The following UIMC1 variants were observed in gnomAD, a reference collection of about 807,000 sequenced individuals.
UIMC1 encodes the protein ubiquitin interaction motif containing 1, also known as BRCA1-A complex subunit RAP80.
In UIMC1, 42 loss-of-function variants were observed where a neutral mutation model predicts 84.9. The observed-to-expected ratio is 0.49, with a 90% CI of 0.39 to 0.64. The LOEUF is 0.64. UIMC1 is among the 30% of genes least tolerant of loss of function. The pLI is 0.00. For synonymous variants in UIMC1, 281 were observed against 293.0 expected, an observed-to-expected ratio of 0.96 and a Z score of 0.42; for missense variants, 825 against 847.6, an observed-to-expected ratio of 0.97 and a Z score of 0.33.
At chr5:176,910,867 A>G (rs540486545) in intron 11 of UIMC1, among the ~76,000 whole-genome samples, 106 of 152,226 alleles carry the variant, frequency 7.0e-4, no homozygotes, top group Admixed American at 2.4e-3. Flanking sequence ...GAGGCAGGCC[A>G]ATCACCTGAG....
upstream of UIMC1, among the ~76,000 whole-genome samples, chr5:177,007,813 A>T (rs1775427695): frequency 6.6e-6 from 1 of 152,078 alleles, no homozygotes; most frequent in Non-Finnish European, 1.5e-5. Flanking sequence ...TCTATTAAAA[A>T]GAAAGACCTG....
intron 2 of UIMC1, among the ~76,000 whole-genome samples, chr5:176,981,191 C>G (rs1770993820): frequency 6.9e-6 from 1 of 144,012 alleles, no homozygotes; most frequent in South Asian, 2.2e-4. Context: ...GTCACCCAGG[C>G]TAGACTGCAG....
chr5:176,919,513 G>A (rs1233873980), intron 10 of UIMC1, among the ~76,000 whole-genome samples: 1 of 152,006 alleles, frequency 6.6e-6, no homozygotes, highest in Non-Finnish European at 1.5e-5. Context: ...CCCCTGACTC[G>A]CTGAGACAAG....
At chr5:176,942,211 G>C (rs1344473471) in intron 10 of UIMC1, among the ~76,000 whole-genome samples, 3 of 151,520 alleles carry the variant, frequency 2.0e-5, no homozygotes, top group Non-Finnish European at 4.4e-5. Context: ...TGTAGGACAT[G>C]AATGTAAATT....
chr5:176,982,476 T>C lies in UIMC1; in HGVS notation c.140A>G (p.Asp47Gly). The C allele has an allele frequency of 6.2e-7, 1 of 1,613,172 alleles. No individual in the cohort carries two copies. The highest frequency in any genetic ancestry group is 8.5e-7 in the Non-Finnish European group (1 of 1,179,822). The change falls in exon 2 of 15, where the codon GAT (aspartate) becomes GGT (glycine). Residue 47 changes from aspartate (D) to glycine (G), a missense_variant. Coordinates refer to ENST00000511320, the MANE Select transcript of UIMC1 (RefSeq NM_001199298.2). ...CAGCTCTACTTCACTAACCTCTCCA[T>C]CACTATCGGATATCACAATGAATGC... is the stretch of plus-strand genomic sequence containing the variant. ...EDAFIVISDSDGEEPKEENGL... is the reference protein window; with the variant it reads ...EDAFIVISDSGGEEPKEENGL...
chr5:176,914,466 A>G (rs1454417316), intron 10 of UIMC1, among the ~76,000 whole-genome samples: 1 of 152,186 alleles, frequency 6.6e-6, no homozygotes, highest in African/African-American at 2.4e-5. Context: ...GACAATCTTC[A>G]ATGTGCAAGT....
chr5:176,996,447 T>C (rs1014740260), intron 1 of UIMC1, among the ~76,000 whole-genome samples: 74 of 152,170 alleles, frequency 4.9e-4, no homozygotes, highest in African/African-American at 1.7e-3. Flanking sequence ...AAAGGACTTG[T>C]GGTTACCATC....
chr5:176,973,901 GA>G (rs1259180438), intron 3 of UIMC1, among the ~76,000 whole-genome samples: 2 of 150,922 alleles, frequency 1.3e-5, no homozygotes, highest in Non-Finnish European at 3.0e-5. Context: ...CAAAAAGAAA[GA>G]AAAAAAAATT....
chr5:176,934,111 T>C (rs1245863784), intron 10 of UIMC1, among the ~76,000 whole-genome samples: 1 of 152,180 alleles, frequency 6.6e-6, no homozygotes. Context: ...TTACCATCTT[T>C]TGGGTCTTTT....
Position 176,969,614 on chromosome 5 carries a change from A to G in UIMC1, c.450T>C (p.Ser150=). ...SQSHQEKTTD[S]GLTEGIWQLV... is the part of the protein sequence containing the mutation. ...AGGGAGACATGCCTTCAGTGAGCCCAGAGTCTGTGGTTTTCTCTTGATGGG... is the reference window on the plus strand; with the variant it reads ...AGGGAGACATGCCTTCAGTGAGCCCGGAGTCTGTGGTTTTCTCTTGATGGG... The change falls in exon 5 of 15, where the codon TCT becomes TCC. Residue 150 remains serine (S), a synonymous_variant. Transcript: ENST00000511320. The G allele has an allele frequency of 6.2e-7, 1 of 1,614,216 alleles. No homozygotes were observed. Among genetic ancestry groups the G allele is most frequent in the Non-Finnish European group, 8.5e-7 (1 of 1,180,034 alleles).
At chr5:176,919,014 G>A (rs1238865631) in intron 10 of UIMC1, among the ~76,000 whole-genome samples, 1 of 152,054 alleles carries the variant, frequency 6.6e-6, no homozygotes, top group East Asian at 1.9e-4. Flanking sequence ...CATCCTCCCA[G>A]GTACTATTTC....
intron 2 of UIMC1, among the ~76,000 whole-genome samples, chr5:176,981,566 C>T (rs1405200890): frequency 1.3e-5 from 2 of 151,938 alleles, no homozygotes; most frequent in African/African-American, 4.8e-5. Context: ...CTCAGGAGGC[C>T]TAGGCAGGAT....
intron 8 of UIMC1, among the ~76,000 whole-genome samples, chr5:176,951,780 A>C (rs764185130): frequency 3.9e-5 from 6 of 152,216 alleles, no homozygotes; most frequent in Non-Finnish European, 7.3e-5. Context: ...TTCAGTATAC[A>C]GTTTAATGTG....
intron 7 of UIMC1, among the ~76,000 whole-genome samples, chr5:176,956,490 T>A (rs1400773415): frequency 6.6e-6 from 1 of 152,224 alleles, no homozygotes; most frequent in Non-Finnish European, 1.5e-5. Flanking sequence ...CTCCTCTTTA[T>A]CTCAAGATGT....
intron 1 of UIMC1, among the ~76,000 whole-genome samples, chr5:177,017,664 G>A (rs565914163): frequency 2.7e-5 from 4 of 148,364 alleles, no homozygotes; most frequent in Non-Finnish European, 4.4e-5. Flanking sequence ...GAGCCACCAC[G>A]CTGGCCCTTT....
At chr5:176,933,638 G>A (rs961676257) in intron 10 of UIMC1, among the ~76,000 whole-genome samples, 1 of 151,874 alleles carries the variant, frequency 6.6e-6, no homozygotes, top group Non-Finnish European at 1.5e-5. Context: ...CTGGGCTCAA[G>A]TGATCTTCCC....
At chr5:177,012,682 G>C (rs1775575993) in intron 1 of UIMC1, among the ~76,000 whole-genome samples, 1 of 151,816 alleles carries the variant, frequency 6.6e-6, no homozygotes, top group Non-Finnish European at 1.5e-5. Flanking sequence ...GACAGAGCTA[G>C]ACCCTGTCTA....
At chr5:176,914,005 T>C (rs1760616222) in intron 10 of UIMC1, among the ~76,000 whole-genome samples, 1 of 135,162 alleles carries the variant, frequency 7.4e-6, no homozygotes, top group Non-Finnish European at 1.5e-5. Context: ...TACCATACCA[T>C]AGCATACCAT....
chr5:176,963,280 G>C (rs932135105), intron 6 of UIMC1, among the ~76,000 whole-genome samples: 3 of 151,888 alleles, frequency 2.0e-5, no homozygotes, highest in African/African-American at 7.3e-5. Flanking sequence ...CAGAACTTTG[G>C]GAGGCCAAGG....
Sources: gnomAD v4.1 joint callset for allele counts (sites outside exome capture counted in the v4.1 genomes callset) on GRCh38, gnomAD v4.1.1 for gene constraint, MANE v1.5 for transcripts, NCBI Gene and HGNC (gene_info 2026-07-23, HGNC 2026-07-21) for gene names.